CEP57L1: variants seen among roughly 807,000 people sequenced by gnomAD.
The protein encoded by CEP57L1 is centrosomal protein 57 like 1, also known as centrosomal protein CEP57L1.
A neutral mutation model predicts 61.0 loss-of-function variants in CEP57L1; 37 were observed. That is an observed-to-expected ratio of 0.61 (90% CI 0.47 to 0.80). The LOEUF (loss-of-function observed/expected upper bound fraction) is 0.80. CEP57L1 is among the 30% of genes least tolerant of loss of function. The pLI, the probability that CEP57L1 is intolerant of heterozygous loss-of-function variation, is 0.00. For missense variants in CEP57L1, 422 were observed against 524.7 expected (o/e 0.80, Z 1.91); for synonymous variants, 137 against 162.3 (o/e 0.84, Z 1.19).
intron 7 of CEP57L1, chr6:109,156,732 T>C (rs559510419): frequency 6.6e-6 from 1 of 152,236 alleles, no homozygotes; most frequent in South Asian, 2.1e-4. Context: ...GATAAAATAA[T>C]GGAGAGAACA....
intron 1 of CEP57L1, among the ~76,000 whole-genome samples, chr6:109,144,724 C>T (rs1357555391): frequency 4.6e-5 from 7 of 151,882 alleles, no homozygotes; most frequent in Admixed American, 2.6e-4. Flanking sequence ...GGTTAAATTC[C>T]GATATTTCAT....
chr6:109,164,863 C>T lies in CEP57L1; in HGVS notation c.*1893C>T, dbSNP rs562703476. Among the ~76,000 whole-genome samples, 13 of 152,024 alleles carry T rather than the reference C, an allele frequency of 8.6e-5. No homozygotes were observed. Among genetic ancestry groups the T allele is most frequent in the Middle Eastern group, 3.2e-3 (1 of 314 alleles). On this transcript the variant is annotated 3_prime_UTR_variant, in exon 11 of 11. Transcript: ENST00000517392. ...TTGGGAGGCCGAGGCAGGCAGATCA[C>T]GAGGTCAGGAGATTGAGACCATCCT...
chr6:109,107,141 T>C lies in CEP57L1; in HGVS notation c.-4+11566T>C, dbSNP rs145648599. On this transcript the variant is annotated intron_variant, in intron 1 of 10. Coordinates refer to ENST00000517392, the MANE Select transcript of CEP57L1 (RefSeq NM_001271852.3). ...TTCTAATAAGCAGTATCTTCCTAAG[T>C]AAGCAACTTTTGTGAACCTAATAAA... is the stretch of plus-strand genomic sequence containing the variant. Among the ~76,000 whole-genome samples the C allele has an allele frequency of 8.1e-4, 124 of 152,346 alleles. 1 individual carries two copies. Among genetic ancestry groups the C allele is most frequent in the Middle Eastern group, 6.8e-3 (2 of 294 alleles).
intron 1 of CEP57L1, among the ~76,000 whole-genome samples, chr6:109,144,154 A>AG: frequency 6.6e-6 from 1 of 152,158 alleles, no homozygotes; most frequent in East Asian, 1.9e-4. Context: ...ACCAATCAGA[A>AG]TGTTCTAGGA....
In CEP57L1 at chr6:109,145,244, G is replaced by C; in HGVS notation, c.23G>C (p.Ser8Thr). 1.9e-6 allele frequency: 3 copies of C among 1,590,010 alleles called. No individual in the cohort carries two copies. The highest frequency in any genetic ancestry group is 2.6e-6 in the Non-Finnish European group (3 of 1,161,020). The change falls in exon 2 of 11, where the codon AGT becomes ACT. Residue 8 changes from serine (S) to threonine (T), a missense_variant. Ser to Thr is a moderately conservative substitution (Grantham distance 58). Coordinates refer to ENST00000517392, the MANE Select transcript of CEP57L1 (RefSeq NM_001271852.3). ...ATAATGGATTCTGAATTAATGCATAGTATAGTAGGAAGCTATCATAAACCT... is the reference window on the plus strand; with the variant it reads ...ATAATGGATTCTGAATTAATGCATACTATAGTAGGAAGCTATCATAAACCT... Reference protein sequence around the residue: MDSELMHSIVGSYHKPPE... With the variant: MDSELMHTIVGSYHKPPE...
upstream of CEP57L1, chr6:109,095,493 C>T (rs959274907): frequency 3.8e-5 from 37 of 985,684 alleles, no homozygotes; most frequent in Non-Finnish European, 4.2e-5. Flanking sequence ...ACTACAACCC[C>T]CAGGGGCCAC....
At position 109,162,745 on chromosome 6, in the gene CEP57L1, C is replaced by A; in HGVS notation, c.1162-4C>A. 6.3e-7 allele frequency: 1 copy of A among 1,596,720 alleles called. No individual in the cohort carries two copies. The highest frequency in any genetic ancestry group is 1.1e-5 in the South Asian group (1 of 89,020). On this transcript the variant is annotated splice_polypyrimidine_tract_variant and splice_region_variant and intron_variant, in intron 10 of 10. Coordinates refer to ENST00000517392, the MANE Select transcript of CEP57L1 (RefSeq NM_001271852.3). Reference sequence around the variant, plus strand: ...TAAAATGTTAGATTTTTTTTTCTCTCCAGGTCTGTAAACTGCAGCAAAAAG... The same window carrying A: ...TAAAATGTTAGATTTTTTTTTCTCTACAGGTCTGTAAACTGCAGCAAAAAG...
chr6:109,125,813 A>T (rs898101584), intron 1 of CEP57L1, among the ~76,000 whole-genome samples: 26 of 152,214 alleles, frequency 1.7e-4, no homozygotes, highest in African/African-American at 6.3e-4. Flanking sequence ...AATAAACATT[A>T]TAAGAATGTT....
intron 1 of CEP57L1, among the ~76,000 whole-genome samples, chr6:109,116,142 A>ATGT (rs1054468211): frequency 7.3e-6 from 1 of 137,378 alleles, no homozygotes; most frequent in Non-Finnish European, 1.6e-5. Context: ...ATGTTATGTT[A>ATGT]TGTTATGTTA....
intron 7 of CEP57L1, 67 bp from the exon 8 acceptor site, chr6:109,158,958 G>C (rs1385631621): frequency 1.3e-6 from 2 of 1,492,700 alleles, no homozygotes; most frequent in Non-Finnish European, 1.8e-6. Context: ...AGTTTTGAGA[G>C]TTCTTCATAT....
intron 1 of CEP57L1, among the ~76,000 whole-genome samples, chr6:109,133,765 C>A (rs182066389): frequency 5.4e-4 from 82 of 152,296 alleles, no homozygotes; most frequent in Non-Finnish European, 1.1e-3. Context: ...AAACTGCCAT[C>A]AGAGAATACT....
chr6:109,122,772 A>G (rs1006805884), intron 1 of CEP57L1, among the ~76,000 whole-genome samples: 1 of 151,894 alleles, frequency 6.6e-6, no homozygotes, highest in Non-Finnish European at 1.5e-5. Context: ...GTGCCATTGC[A>G]CTCCAGCCTG....
rs756994960 is a variant in CEP57L1 at position 109,160,560 on chromosome 6, A to G, written c.1017-12A>G. 6.3e-7 allele frequency: 1 copy of G among 1,581,810 alleles called. No homozygotes were observed. Among genetic ancestry groups the G allele is most frequent in the African/African-American group, 1.4e-5 (1 of 72,982 alleles). On this transcript the variant is annotated splice_polypyrimidine_tract_variant and intron_variant, in intron 9 of 10. Coordinates refer to ENST00000517392, the MANE Select transcript of CEP57L1 (RefSeq NM_001271852.3). ...ACTATAATACTGCTTAATATTTGCT[A>G]TTCTTTCATAGGGAGCACCAAGAAC... is the stretch of plus-strand genomic sequence containing the variant.
At position 109,129,484 on chromosome 6, in the gene CEP57L1, C is replaced by G. The variant is rs1030125141; in HGVS notation, c.-3-15735C>G. The G allele has an allele frequency of 8.4e-6, 4 of 478,446 alleles. No individual in the cohort carries two copies. The Admixed American group carries it at 9.4e-5, about 11-fold the overall frequency. 29.6% of individuals were successfully genotyped at this position (478,446 alleles called of 1,614,324 possible). A position where few individuals can be genotyped will look rare whatever the true frequency, so the allele number is the denominator to read the frequency against. Reference sequence around the variant, plus strand: ...AAACAAAACAAAATTCTGATCTTCCCAGATGAAGGTAGAGTACTCTTCTGG... The same window carrying G: ...AAACAAAACAAAATTCTGATCTTCCGAGATGAAGGTAGAGTACTCTTCTGG... On this transcript the variant is annotated intron_variant, in intron 1 of 10. Coordinates refer to ENST00000517392, the MANE Select transcript of CEP57L1 (RefSeq NM_001271852.3).
rs761669778 is a variant in CEP57L1 at position 109,159,124 on chromosome 6, A to G, written c.822+22A>G. On this transcript the variant is annotated intron_variant, in intron 8 of 10. Transcript: ENST00000517392. ...AAAGGTGAGAGGGGATAAAATGAAGATAGTCGTTCAAAAAAACTCCTGTTT... is the reference window on the plus strand; with the variant it reads ...AAAGGTGAGAGGGGATAAAATGAAGGTAGTCGTTCAAAAAAACTCCTGTTT... 6.8e-6 allele frequency: 11 copies of G among 1,614,028 alleles called. No homozygotes were observed. In the Admixed American group the frequency reaches 1.7e-4, roughly 24 times the overall value.
chr6:109,113,400 T>C (rs1771905470), intron 1 of CEP57L1, among the ~76,000 whole-genome samples: 1 of 152,130 alleles, frequency 6.6e-6, no homozygotes, highest in African/African-American at 2.4e-5. Context: ...ATCCGAGAGA[T>C]ACATGATGAA....
intron 3 of CEP57L1, among the ~76,000 whole-genome samples, chr6:109,148,784 T>C: frequency 6.6e-6 from 1 of 152,172 alleles, no homozygotes; most frequent in Non-Finnish European, 1.5e-5. Flanking sequence ...GCACCTGTTG[T>C]TTCCTGACTT....
In CEP57L1 at chr6:109,164,490, C is replaced by T. The variant is rs1773963080; in HGVS notation, c.*1520C>T. Among the ~76,000 whole-genome samples, 1 of 152,170 alleles carries T rather than the reference C, an allele frequency of 6.6e-6. No homozygotes were observed. Among genetic ancestry groups the T allele is most frequent in the African/African-American group, 2.4e-5 (1 of 41,448 alleles). On this transcript the variant is annotated 3_prime_UTR_variant, in exon 11 of 11. Coordinates refer to ENST00000517392, the MANE Select transcript of CEP57L1 (RefSeq NM_001271852.3). ...CCCTTTGCCAGCTTTCACTCCCACT[C>T]ATTCACACCCTTAGCTCCTCAGCCC...
chr6:109,109,694 C>G (rs1021754903), intron 1 of CEP57L1, among the ~76,000 whole-genome samples: 1 of 152,172 alleles, frequency 6.6e-6, no homozygotes, highest in Non-Finnish European at 1.5e-5. Flanking sequence ...GCCCTAGCAC[C>G]AAACCCCGTG....
Sources: gnomAD v4.1 joint callset for allele counts (sites outside exome capture counted in the v4.1 genomes callset) on GRCh38, gnomAD v4.1.1 for gene constraint, MANE v1.5 for transcripts, NCBI Gene and HGNC (gene_info 2026-07-23, HGNC 2026-07-21) for gene names.